ACSL5: variants seen among roughly 807,000 people sequenced by gnomAD.
The protein encoded by ACSL5 is long-chain-fatty-acid--CoA ligase 5.
A neutral mutation model predicts 84.9 loss-of-function variants in ACSL5; 50 were observed. That is an observed-to-expected ratio of 0.59 (90% CI 0.47 to 0.75). The LOEUF (loss-of-function observed/expected upper bound fraction) is 0.75. ACSL5 is among the 30% of genes least tolerant of loss of function. The probability of loss-of-function intolerance (pLI) is 0.00; values close to 1 mark genes in which losing one functional copy is unlikely to be tolerated. For missense variants in ACSL5, 775 were observed against 830.4 expected (o/e 0.93, Z 0.82); for synonymous variants, 280 against 300.7 (o/e 0.93, Z 0.71).
At position 112,424,635 on chromosome 10, in the gene ACSL5, G is replaced by A. The variant is rs186459700; in HGVS notation, c.1594-703G>A. The A allele has an allele frequency of 3.9e-5, 6 of 152,276 alleles. No individual in the cohort carries two copies. The East Asian group carries it at 9.6e-4, about 24-fold the overall frequency. The allele number at this position is 152,276 out of a possible 1,614,324, so 9.4% of individuals were successfully genotyped here. ...GAATTGATGGCTAATTTATCAAGTC[G>A]GCCTTGTGATAGTTCCAGTGTTGGT... On this transcript the variant is annotated intron_variant, in intron 17 of 20. Transcript: ENST00000354655.
chr10:112,426,629 A>G (rs1040136296), intron 19 of ACSL5, 159 bp from the exon 20 acceptor site: 1 of 667,466 alleles, frequency 1.5e-6, no homozygotes, highest in Non-Finnish European at 2.6e-6. Flanking sequence ...TTTTCTTCTC[A>G]GTTTTTCTTT....
intron 15 of ACSL5, 131 bp downstream of exon 15, chr10:112,421,796 TCCAGG>T (rs1844472105): frequency 8.5e-6 from 11 of 1,300,414 alleles, no homozygotes; most frequent in Non-Finnish European, 1.2e-5. Flanking sequence ...AAGTTTTGGG[TCCAGG>T]CCTGCCTATC....
At chr10:112,374,558 A>G (rs150220623) in intron 1 of ACSL5, among the ~76,000 whole-genome samples, 313 of 152,296 alleles carry the variant, frequency 2.1e-3, no homozygotes, top group Non-Finnish European at 3.2e-3. Flanking sequence ...ACCAAGCCAG[A>G]ATGTGGGTCT....
rs566318435 is a variant in ACSL5, at chr10:112,397,390, G to A, written c.157-1511G>A. ...TCACCATGTTGGCCAGGTTGGTCTC[G>A]AACTCCTGACCTCAGATGATCCACC... On this transcript the variant is annotated intron_variant, in intron 2 of 20. Coordinates refer to ENST00000354655, the MANE Select transcript of ACSL5 (RefSeq NM_203379.2). Among the ~76,000 whole-genome samples, 14 of 152,030 alleles carry A rather than the reference G, an allele frequency of 9.2e-5. No individual in the cohort carries two copies. The South Asian group carries it at 2.1e-3, about 23-fold the overall frequency.
At chr10:112,423,669 A>G (rs551915642) in intron 17 of ACSL5, among the ~76,000 whole-genome samples, 2 of 152,154 alleles carry the variant, frequency 1.3e-5, no homozygotes, top group Non-Finnish European at 2.9e-5. Context: ...GGGATTCTTT[A>G]ACAGGTCAGG....
intron 1 of ACSL5, among the ~76,000 whole-genome samples, chr10:112,394,556 C>G (rs1234895783): frequency 1.3e-5 from 2 of 152,212 alleles, no homozygotes; most frequent in African/African-American, 4.8e-5. Context: ...CTCTGACCAT[C>G]AGATTATGTT....
chr10:112,404,486 T>G, intron 3 of ACSL5, 25 bp from the exon 4 acceptor site: 1 of 1,596,586 alleles, frequency 6.3e-7, no homozygotes, highest in Non-Finnish European at 8.6e-7. Context: ...CTGGAGTTGA[T>G]TTTCTTTTAA....
At chr10:112,415,879 G>A (rs1265935540) in intron 12 of ACSL5, among the ~76,000 whole-genome samples, 2 of 152,204 alleles carry the variant, frequency 1.3e-5, no homozygotes, top group African/African-American at 4.8e-5. Flanking sequence ...GAAATAAGGG[G>A]TCACTTTGAG....
Position 112,377,499 on chromosome 10 carries a change from A to C in ACSL5, c.-30+3230A>C, listed in dbSNP as rs1261507613. On this transcript the variant is annotated intron_variant, in intron 1 of 20. Coordinates refer to ENST00000354655, the MANE Select transcript of ACSL5 (RefSeq NM_203379.2). ...CAGTGAGCCGAGATGGCACCACTGCACTCCAGTTTGGATGACAGAGCAAGA... is the reference window on the plus strand; with the variant it reads ...CAGTGAGCCGAGATGGCACCACTGCCCTCCAGTTTGGATGACAGAGCAAGA... 2.6e-5 allele frequency among the ~76,000 whole-genome samples: 4 copies of C among 152,226 alleles called. No individual in the cohort carries two copies. In the East Asian group the frequency reaches 7.7e-4, roughly 29 times the overall value.
chr10:112,414,280 T>C (rs933514364), intron 12 of ACSL5, among the ~76,000 whole-genome samples: 10 of 152,066 alleles, frequency 6.6e-5, no homozygotes, highest in Non-Finnish European at 1.5e-4. Context: ...TCTTCAAAAG[T>C]AGCCAATGAG....
intron 13 of ACSL5, 92 bp from the exon 14 acceptor site, chr10:112,417,754 A>G (rs959953478): frequency 1.1e-6 from 1 of 942,418 alleles, no homozygotes; most frequent in African/African-American, 1.6e-5. Flanking sequence ...TTCTCATAAC[A>G]ACGCTGCACA....
At chr10:112,392,667 G>A (rs1163760433) in intron 1 of ACSL5, among the ~76,000 whole-genome samples, 1 of 151,884 alleles carries the variant, frequency 6.6e-6, no homozygotes, top group Non-Finnish European at 1.5e-5. Context: ...CGTGAACCCG[G>A]GAGGTGGAGC....
chr10:112,411,362 G>T (rs1844172203), intron 9 of ACSL5, 94 bp from the exon 10 acceptor site: 2 of 1,060,282 alleles, frequency 1.9e-6, no homozygotes, highest in Non-Finnish European at 2.9e-6. Flanking sequence ...TTGGCCTTCT[G>T]GAATAAAACC....
At chr10:112,411,341 A>G in intron 9 of ACSL5, 115 bp from the exon 10 acceptor site, 2 of 822,746 alleles carry the variant, frequency 2.4e-6, no homozygotes, top group Non-Finnish European at 4.0e-6. Flanking sequence ...ACACAGTGAC[A>G]GGAAATGCTC....
chr10:112,381,423 T>C lies in ACSL5; in HGVS notation c.-30+7154T>C, dbSNP rs1042082368. Among the ~76,000 whole-genome samples, 10 of 152,128 alleles carry C rather than the reference T, an allele frequency of 6.6e-5. No homozygotes were observed. In the East Asian group the frequency reaches 1.9e-3, roughly 29 times the overall value. On this transcript the variant is annotated intron_variant, in intron 1 of 20. Transcript: ENST00000354655. The stretch of plus-strand genomic sequence containing the variant: ...TGGCTCACACTTGTAATCCCAGCAC[T>C]TTGGGAGGCCAAGGCAGGTAGATCA...
In ACSL5 at chr10:112,427,422, TA is replaced by T; in HGVS notation, c.*65del. On this transcript the variant is annotated 3_prime_UTR_variant, in exon 21 of 21. Coordinates refer to ENST00000354655, the MANE Select transcript of ACSL5 (RefSeq NM_203379.2). The stretch of plus-strand genomic sequence containing the variant: ...GCTTGTGAGAAAATGGATTAAAAAC[TA>T]TTCTTACATTTGTTTTGCCTTTCCT... 2 of 1,443,868 alleles carry T rather than the reference TA, an allele frequency of 1.4e-6. No homozygotes were observed. The highest frequency in any genetic ancestry group is 1.5e-5 in the South Asian group (1 of 67,588). The allele number at this position is 1,443,868 out of a possible 1,614,324, so 89.4% of individuals were successfully genotyped here. A position where few individuals can be genotyped will look rare whatever the true frequency, so the allele number is the denominator to read the frequency against.
intron 5 of ACSL5, among the ~76,000 whole-genome samples, chr10:112,406,891 G>A (rs1844052157): frequency 6.6e-6 from 1 of 152,166 alleles, no homozygotes; most frequent in South Asian, 2.1e-4. Context: ...CAATGTATTA[G>A]TCTGTTTTTA....
At chr10:112,409,032 T>C (rs1844116640) in intron 6 of ACSL5, 1 of 165,256 alleles carries the variant, frequency 6.1e-6, no homozygotes, top group South Asian at 1.7e-4. Flanking sequence ...ATGGGACTAG[T>C]AGATTAAGTG....
intron 1 of ACSL5, among the ~76,000 whole-genome samples, chr10:112,383,812 C>CT (rs11484417): frequency 0.42 from 63,628 of 150,900 alleles, 13,483 homozygotes; most frequent in African/African-American, 0.48. Context: ...TCATTTTATT[C>CT]TTTTTTTTTG....
Sources: gnomAD v4.1 joint callset for allele counts (sites outside exome capture counted in the v4.1 genomes callset) on GRCh38, gnomAD v4.1.1 for gene constraint, MANE v1.5 for transcripts, NCBI Gene and HGNC (gene_info 2026-07-23, HGNC 2026-07-21) for gene names.